PTPRD: variants seen among roughly 807,000 people sequenced by gnomAD.
The protein encoded by PTPRD is protein tyrosine phosphatase receptor type D.
A neutral mutation model predicts 214.5 loss-of-function variants in PTPRD; 34 were observed. That is an observed-to-expected ratio of 0.16 (90% CI 0.12 to 0.21). PTPRD has a LOEUF of 0.21. Among genes scored for constraint, PTPRD ranks in the 10% least tolerant of loss-of-function variants. PTPRD has a pLI of 1.00. For synonymous variants in PTPRD, 1,128 were observed against 845.7 expected (o/e 1.33, Z -5.79); for missense variants, 2,545 against 2,398.7 (o/e 1.06, Z -1.27).
At chr9:9,647,926 T>C (rs2096238802) in intron 7 of PTPRD, among the ~76,000 whole-genome samples, 1 of 152,170 alleles carries the variant, frequency 6.6e-6, no homozygotes, top group African/African-American at 2.4e-5. Flanking sequence ...CATACTTTAA[T>C]TGTGTGTGGC....
intron 11 of PTPRD, among the ~76,000 whole-genome samples, chr9:8,899,844 G>T (rs1378012292): frequency 4.6e-5 from 7 of 152,226 alleles, no homozygotes; most frequent in African/African-American, 1.7e-4. Context: ...AATGAGAGAA[G>T]TTCATCCGGT....
intron 3 of PTPRD, among the ~76,000 whole-genome samples, chr9:10,122,586 G>A (rs537039974): frequency 2.0e-5 from 3 of 152,200 alleles, no homozygotes; most frequent in East Asian, 1.9e-4. Flanking sequence ...CCTACTGAAC[G>A]TAAGTATATC....
At chr9:8,707,994 C>A (rs2098244408) in intron 12 of PTPRD, among the ~76,000 whole-genome samples, 1 of 152,132 alleles carries the variant, frequency 6.6e-6, no homozygotes, top group South Asian at 2.1e-4. Flanking sequence ...GGATAAAAGG[C>A]ATTAAGATTT....
chr9:9,975,234 T>C (rs2095310285), intron 4 of PTPRD, among the ~76,000 whole-genome samples: 1 of 152,188 alleles, frequency 6.6e-6, no homozygotes, highest in Admixed American at 6.5e-5. Context: ...GACTCCTTTA[T>C]TTTTCTTTAT....
At chr9:8,608,005 G>A (rs1345936992) in intron 14 of PTPRD, among the ~76,000 whole-genome samples, 2 of 152,134 alleles carry the variant, frequency 1.3e-5, no homozygotes, top group Non-Finnish European at 2.9e-5. Flanking sequence ...AAACATCTGT[G>A]ATTACAGGAT....
chr9:8,412,653 C>G (rs528344786), intron 35 of PTPRD, among the ~76,000 whole-genome samples: 1 of 152,296 alleles, frequency 6.6e-6, no homozygotes, highest in Non-Finnish European at 1.5e-5. Context: ...AAGAACATCC[C>G]TGATAGAAGA....
At chr9:8,900,972 G>C (rs1800078604) in intron 11 of PTPRD, among the ~76,000 whole-genome samples, 1 of 152,070 alleles carries the variant, frequency 6.6e-6, no homozygotes, top group African/African-American at 2.4e-5. Context: ...CCTAAGTACA[G>C]GTAAGTACAT....
In PTPRD at chr9:9,786,807, G is replaced by A. The variant is rs576864469; in HGVS notation, c.-367-19956C>T. Among the ~76,000 whole-genome samples, 13 of 152,242 alleles carry A rather than the reference G, an allele frequency of 8.5e-5. No homozygotes were observed. The South Asian group carries it at 2.5e-3, about 29-fold the overall frequency. On this transcript the variant is annotated intron_variant, in intron 5 of 45. Transcript: ENST00000381196. ...TCACTTGCAGGTAAGTTGCACTCTA[G>A]AGATTCCCATCTTAATACTAATTTT... is the stretch of plus-strand genomic sequence containing the variant.
chr9:9,843,788 A>G (rs1038761847), intron 5 of PTPRD, among the ~76,000 whole-genome samples: 2 of 152,018 alleles, frequency 1.3e-5, no homozygotes, highest in African/African-American at 4.8e-5. Flanking sequence ...TAAAATGAAA[A>G]CCGAAATTTA....
At chr9:9,447,030 G>T (rs2090650033) in intron 8 of PTPRD, among the ~76,000 whole-genome samples, 1 of 152,136 alleles carries the variant, frequency 6.6e-6, no homozygotes, top group African/African-American at 2.4e-5. Context: ...TGCTGGCAAG[G>T]CTGTGGAGAC....
intron 28 of PTPRD, 158 bp downstream of exon 28, chr9:8,485,604 G>C (rs973950187): frequency 2.8e-6 from 2 of 705,114 alleles, no homozygotes; most frequent in African/African-American, 1.8e-5. Context: ...TGAAATCTAA[G>C]GCATCCAAGA....
chr9:9,404,262 C>A, intron 8 of PTPRD, among the ~76,000 whole-genome samples: 1 of 152,006 alleles, frequency 6.6e-6, no homozygotes, highest in Middle Eastern at 3.2e-3. Context: ...ATGCCTCCGG[C>A]TACTCTGTAG....
At chr9:9,834,254 G>A (rs1407114971) in intron 5 of PTPRD, among the ~76,000 whole-genome samples, 2 of 151,824 alleles carry the variant, frequency 1.3e-5, no homozygotes, top group East Asian at 1.9e-4. Context: ...TAAATCACAG[G>A]TACTACTATT....
At chr9:9,414,508 C>T (rs1021483427) in intron 8 of PTPRD, among the ~76,000 whole-genome samples, 4 of 152,238 alleles carry the variant, frequency 2.6e-5, no homozygotes, top group African/African-American at 4.8e-5. Context: ...CTTCCTGGTA[C>T]GTTTAGTCCA....
At chr9:9,068,786 A>G (rs1485962217) in intron 10 of PTPRD, among the ~76,000 whole-genome samples, 1 of 151,796 alleles carries the variant, frequency 6.6e-6, no homozygotes, top group East Asian at 1.9e-4. Flanking sequence ...TAATTTTTGT[A>G]TTTTTAGCAG....
intron 2 of PTPRD, among the ~76,000 whole-genome samples, chr9:10,602,530 C>A (rs1591800583): frequency 1.3e-5 from 2 of 151,646 alleles, no homozygotes; most frequent in South Asian, 4.2e-4. Flanking sequence ...AGCAGCCATG[C>A]TAGATATAAG....
At chr9:10,351,337 A>G (rs893249909) in intron 2 of PTPRD, among the ~76,000 whole-genome samples, 2 of 152,096 alleles carry the variant, frequency 1.3e-5, no homozygotes, top group African/African-American at 4.8e-5. Flanking sequence ...GGCTCCACAC[A>G]TTGCCTATCA....
At chr9:8,754,452 A>C (rs1306928088) in intron 11 of PTPRD, among the ~76,000 whole-genome samples, 1 of 152,190 alleles carries the variant, frequency 6.6e-6, no homozygotes, top group Non-Finnish European at 1.5e-5. Flanking sequence ...AGACCCACCC[A>C]TATGTACTCT....
At chr9:10,447,330 G>A (rs113592720) in intron 2 of PTPRD, among the ~76,000 whole-genome samples, 3,708 of 151,996 alleles carry the variant, frequency 0.024, 167 homozygotes, top group African/African-American at 0.076. Flanking sequence ...GGTTAACCAC[G>A]TCCTCTGTCA....
Sources: gnomAD v4.1 joint callset for allele counts (sites outside exome capture counted in the v4.1 genomes callset) on GRCh38, gnomAD v4.1.1 for gene constraint, MANE v1.5 for transcripts, NCBI Gene and HGNC (gene_info 2026-07-23, HGNC 2026-07-21) for gene names.